Variants in SLC8A1 observed in about 807,000 individuals in gnomAD.
SLC8A1 encodes sodium/calcium exchanger 1.
A neutral mutation model predicts 68.3 loss-of-function variants in SLC8A1; 18 were observed. The ratio of observed to expected loss-of-function variants is 0.26; its 90% CI spans 0.18 to 0.39. SLC8A1 has a LOEUF of 0.39. SLC8A1 is among the 10% of genes least tolerant of loss of function. SLC8A1 has a pLI of 1.00. For synonymous variants in SLC8A1, 475 were observed against 415.5 expected (o/e 1.14, Z -1.74); for missense variants, 985 against 1,156.7 (o/e 0.85, Z 2.15).
intron 2 of SLC8A1, among the ~76,000 whole-genome samples, chr2:40,314,233 G>T (rs371995622): frequency 3.2e-4 from 48 of 151,956 alleles, no homozygotes; most frequent in African/African-American, 1.0e-3. Flanking sequence ...ACAATATTTC[G>T]GGAAGCATTT....
intron 2 of SLC8A1, among the ~76,000 whole-genome samples, chr2:40,262,374 G>C (rs1273907152): frequency 5.3e-5 from 8 of 152,228 alleles, no homozygotes; most frequent in Admixed American, 3.9e-4. Flanking sequence ...CTCCAGGTGA[G>C]AGGTTGGTAT....
At chr2:40,442,896 C>T (rs543012788) in intron 1 of SLC8A1, among the ~76,000 whole-genome samples, 76 of 152,238 alleles carry the variant, frequency 5.0e-4, no homozygotes, top group African/African-American at 1.6e-3. Context: ...AAATTTGGTA[C>T]ATAGACACCA....
At chr2:40,115,020 C>G (rs982350038) in exon 8 of SLC8A1, 4 of 275,820 alleles carry the variant, frequency 1.5e-5, no homozygotes, top group Non-Finnish European at 2.7e-5. Flanking sequence ...TGCAGCCCTT[C>G]TAGACTGAGC....
chr2:40,176,026 G>C (rs2048411838), intron 3 of SLC8A1: 1 of 442,300 alleles, frequency 2.3e-6, no homozygotes, highest in African/African-American at 2.0e-5. Context: ...CAGGGCATTG[G>C]GTTGGGGGGA....
intron 2 of SLC8A1, among the ~76,000 whole-genome samples, chr2:40,224,975 A>T (rs1319181704): frequency 6.6e-6 from 1 of 152,194 alleles, no homozygotes. Flanking sequence ...GCGAGAGTAA[A>T]GTTCATGTTT....
intron 2 of SLC8A1, among the ~76,000 whole-genome samples, chr2:40,314,832 C>A (rs2074227060): frequency 6.6e-6 from 1 of 151,956 alleles, no homozygotes; most frequent in African/African-American, 2.4e-5. Flanking sequence ...CAATTAATTT[C>A]TGCATATTAA....
intron 2 of SLC8A1, among the ~76,000 whole-genome samples, chr2:40,245,544 G>T (rs957603263): frequency 6.6e-6 from 1 of 152,138 alleles, no homozygotes; most frequent in African/African-American, 2.4e-5. Context: ...TGTGCTGTAT[G>T]TACCTGTTTG....
At chr2:40,161,714 A>G (rs1189571950) in intron 5 of SLC8A1, among the ~76,000 whole-genome samples, 1 of 152,200 alleles carries the variant, frequency 6.6e-6, no homozygotes. Flanking sequence ...AAGTCATGGC[A>G]ACTACAGGGA....
At chr2:40,465,344 A>G (rs1444641547) in intron 1 of SLC8A1, among the ~76,000 whole-genome samples, 2 of 152,146 alleles carry the variant, frequency 1.3e-5, no homozygotes, top group African/African-American at 2.4e-5. Context: ...GCATGCTTAC[A>G]TTTACACTGA....
At chr2:40,310,891 G>A (rs146341664) in intron 2 of SLC8A1, among the ~76,000 whole-genome samples, 1 of 152,172 alleles carries the variant, frequency 6.6e-6, no homozygotes, top group African/African-American at 2.4e-5. Flanking sequence ...TCAGCAGAAG[G>A]TCTTAGATAT....
chr2:40,225,167 C>G (rs974267150), intron 2 of SLC8A1, among the ~76,000 whole-genome samples: 1 of 152,146 alleles, frequency 6.6e-6, no homozygotes, highest in African/African-American at 2.4e-5. Context: ...AATCTACTTA[C>G]TGTCAGCAGG....
intron 7 of SLC8A1, among the ~76,000 whole-genome samples, chr2:40,122,792 T>A (rs892119061): frequency 6.6e-6 from 1 of 152,210 alleles, no homozygotes; most frequent in African/African-American, 2.4e-5. Context: ...TAGATTTGTT[T>A]TTAGAGTAAC....
At chr2:40,419,930 CAAAAGGTAAA>C (rs748479149) in intron 2 of SLC8A1, among the ~76,000 whole-genome samples, 13 of 151,950 alleles carry the variant, frequency 8.6e-5, no homozygotes, top group Non-Finnish European at 1.3e-4. Context: ...AATTTGCCGG[CAAAAGGTAAA>C]AAATTTAATA....
chr2:40,351,095 G>A (rs574237123), intron 2 of SLC8A1, among the ~76,000 whole-genome samples: 1 of 152,204 alleles, frequency 6.6e-6, no homozygotes, highest in East Asian at 1.9e-4. Flanking sequence ...AGCATTATAA[G>A]TGGATTTTAT....
At chr2:40,405,132 G>A (rs1292438414) in intron 2 of SLC8A1, among the ~76,000 whole-genome samples, 2 of 152,124 alleles carry the variant, frequency 1.3e-5, no homozygotes, top group Non-Finnish European at 2.9e-5. Flanking sequence ...AGGCAGAAGG[G>A]GAAAAGTGTC....
At chr2:40,271,464 A>C (rs1367295600) in intron 2 of SLC8A1, among the ~76,000 whole-genome samples, 1 of 152,110 alleles carries the variant, frequency 6.6e-6, no homozygotes, top group East Asian at 1.9e-4. Context: ...GACCACGCTC[A>C]CTAAAATACC....
upstream of SLC8A1, among the ~76,000 whole-genome samples, chr2:40,452,686 CCT>C: frequency 6.6e-6 from 1 of 150,878 alleles, no homozygotes; most frequent in Admixed American, 6.6e-5. Flanking sequence ...TAATCCTCAC[CCT>C]GTGTTTTTCT....
chr2:40,152,044 A>T (rs2148384199), intron 6 of SLC8A1, among the ~76,000 whole-genome samples: 1 of 152,348 alleles, frequency 6.6e-6, no homozygotes, highest in East Asian at 1.9e-4. Flanking sequence ...TTTAAGCACC[A>T]AATGTCTTAA....
intron 2 of SLC8A1, among the ~76,000 whole-genome samples, chr2:40,419,318 T>C: frequency 6.6e-6 from 1 of 152,218 alleles, no homozygotes; most frequent in African/African-American, 2.4e-5. Context: ...AAGAAGCAGC[T>C]TGAGTGAATC....
Sources: allele counts gnomAD v4.1 joint callset (sites outside exome capture counted in the v4.1 genomes callset), GRCh38; gene constraint gnomAD v4.1.1; transcripts MANE v1.5; gene names NCBI Gene and HGNC (gene_info 2026-07-23, HGNC 2026-07-21).